Variants in GABRR1 observed in about 807,000 individuals in gnomAD.
The protein encoded by GABRR1 is gamma-aminobutyric acid type A receptor subunit rho1, also known as gamma-aminobutyric acid receptor subunit rho-1.
A neutral mutation model predicts 55.5 loss-of-function variants in GABRR1; 59 were observed. The ratio of observed to expected loss-of-function variants is 1.06; its 90% CI spans 0.86 to 1.32. GABRR1 has a LOEUF of 1.32. Among genes scored for constraint, GABRR1 ranks in the 40% most tolerant of loss-of-function variants. The pLI is 0.00. For missense variants in GABRR1, 602 were observed against 619.1 expected, an observed-to-expected ratio of 0.97 and a Z score of 0.29; for synonymous variants, 213 against 226.0, an observed-to-expected ratio of 0.94 and a Z score of 0.51.
In GABRR1 at chr6:89,178,937, C is replaced by T. The variant is rs772321848; in HGVS notation, c.1273G>A (p.Val425Met). 1.5e-5 allele frequency: 24 copies of T among 1,614,070 alleles called. No homozygotes were observed. In the East Asian group the frequency reaches 3.8e-4, roughly 25 times the overall value. The change falls in exon 10 of 10, where the codon GTG becomes ATG. Residue 425 changes from valine (V) to methionine (M), a missense_variant. Physicochemically the swap from Val to Met is conservative, Grantham distance 21. This residue lies in a region of GABRR1 where 139 missense variants were observed against 141.1 expected (regional missense o/e 0.99). Coordinates refer to ENST00000454853, the MANE Select transcript of GABRR1 (RefSeq NM_002042.5). ...ENGEKPDRMM[V>M]QLTLASERSS... ...CTCTCTGAGGCCAGGGTCAGCTGCA[C>T]CATCATCCTGTCGGGCTTCTCTCCA... is the stretch of plus-strand genomic sequence containing the variant.
intron 1 of GABRR1, among the ~76,000 whole-genome samples, chr6:89,209,599 A>C (rs1772759243): frequency 6.6e-6 from 1 of 152,108 alleles, no homozygotes; most frequent in South Asian, 2.1e-4. Flanking sequence ...TGGGGAGTGG[A>C]GCAGAGACCA....
At chr6:89,200,259 TTTTTTTG>T (rs1772423943) in intron 3 of GABRR1, among the ~76,000 whole-genome samples, 1 of 144,366 alleles carries the variant, frequency 6.9e-6, no homozygotes, top group Non-Finnish European at 1.5e-5. Flanking sequence ...TTTTTTTTTT[TTTTTTTG>T]GAGACAGAGT....
At chr6:89,179,116 G>A (rs1771637598) in intron 9 of GABRR1, 53 bp from the exon 10 acceptor site, 1 of 1,563,218 alleles carries the variant, frequency 6.4e-7, no homozygotes, top group African/African-American at 1.3e-5. Flanking sequence ...TCTCTCAGAA[G>A]CCCTTCAAAA....
chr6:89,201,141 A>G lies in GABRR1; in HGVS notation c.280+18T>C, dbSNP rs776924556. ...GGACCAGAAGAAAGAGGACACCCTG[A>G]GAGCACACATCCCATACCTCCAAAG... On this transcript the variant is annotated intron_variant, in intron 3 of 9. Coordinates refer to ENST00000454853, the MANE Select transcript of GABRR1 (RefSeq NM_002042.5). 4.8e-5 allele frequency: 75 copies of G among 1,573,612 alleles called. No individual in the cohort carries two copies. The Admixed American group carries it at 1.2e-3, about 25-fold the overall frequency.
intron 6 of GABRR1, 65 bp downstream of exon 6, chr6:89,190,100 G>T: frequency 8.9e-7 from 1 of 1,117,502 alleles, no homozygotes; most frequent in South Asian, 1.4e-5. Flanking sequence ...TCCTGCAGCT[G>T]AGAGTTAGAG....
chr6:89,182,262 G>A (rs922448717), intron 7 of GABRR1, among the ~76,000 whole-genome samples: 7 of 152,100 alleles, frequency 4.6e-5, no homozygotes, highest in Admixed American at 6.5e-5. Context: ...ACCTTTGGCC[G>A]TTGTCCTATT....
chr6:89,199,614 T>C (rs1334587092), intron 3 of GABRR1, among the ~76,000 whole-genome samples, 185 bp from the exon 4 acceptor site: 2 of 152,210 alleles, frequency 1.3e-5, no homozygotes, highest in Non-Finnish European at 2.9e-5. Context: ...TTCTGAAATA[T>C]TCCAACAGAA....
chr6:89,204,242 C>T lies in GABRR1; in HGVS notation c.123-757G>A, dbSNP rs114390453. 2.1e-3 allele frequency among the ~76,000 whole-genome samples: 326 copies of T among 152,244 alleles called. 1 individual carries two copies. Among genetic ancestry groups the T allele is most frequent in the African/African-American group, 7.6e-3 (316 of 41,528 alleles). On this transcript the variant is annotated intron_variant, in intron 1 of 9. Coordinates refer to ENST00000454853, the MANE Select transcript of GABRR1 (RefSeq NM_002042.5). ...GGCAATGCTGTTTTCTGCCAGGACT[C>T]GACTGATGCACAGGGACACATCAGA...
chr6:89,217,387 T>G, upstream of GABRR1: 1 of 1,557,224 alleles, frequency 6.4e-7, no homozygotes, highest in Non-Finnish European at 8.7e-7. Context: ...TCTTTTTCTC[T>G]CTTAAGACAT....
chr6:89,197,911 G>C, intron 5 of GABRR1, 109 bp downstream of exon 5: 1 of 800,864 alleles, frequency 1.2e-6, no homozygotes, highest in South Asian at 1.6e-5. Flanking sequence ...TGAGAAGCTG[G>C]CAACTACTGA....
At chr6:89,228,796 C>G (rs1001346417) in intron 1 of GABRR1, among the ~76,000 whole-genome samples, 2 of 151,946 alleles carry the variant, frequency 1.3e-5, no homozygotes, top group Non-Finnish European at 2.9e-5. Context: ...TAGTGCAGAG[C>G]TGAGTTCAAT....
At chr6:89,224,101 G>A (rs58715559) in intron 1 of GABRR1, among the ~76,000 whole-genome samples, 1 of 146,032 alleles carries the variant, frequency 6.8e-6, no homozygotes, top group African/African-American at 2.5e-5. Context: ...GTTTTGTTTT[G>A]TTTTTTGAGA....
rs1771595614 is a variant in GABRR1, at chr6:89,178,003, T to C, written c.*767A>G. The C allele has an allele frequency of 6.6e-6, 1 of 152,084 alleles. No individual in the cohort carries two copies. Among genetic ancestry groups the C allele is most frequent in the Non-Finnish European group, 1.5e-5 (1 of 68,002 alleles). The allele number at this position is 152,084 out of a possible 1,614,324, so 9.4% of individuals were successfully genotyped here. The stretch of plus-strand genomic sequence containing the variant: ...GGACATGCTCCAAGAAGAAGAAACA[T>C]GAAGTGGTGATTATATAAAATAGGG... On this transcript the variant is annotated 3_prime_UTR_variant, in exon 10 of 10. Transcript: ENST00000454853.
chr6:89,221,772 AC>A (rs1349082562), upstream of GABRR1, among the ~76,000 whole-genome samples: 1 of 152,170 alleles, frequency 6.6e-6, no homozygotes, highest in Non-Finnish European at 1.5e-5. Flanking sequence ...GGGATAAGGG[AC>A]AAATAAAAAG....
At chr6:89,193,812 G>C (rs1401260661) in intron 5 of GABRR1, among the ~76,000 whole-genome samples, 1 of 152,102 alleles carries the variant, frequency 6.6e-6, no homozygotes, top group Non-Finnish European at 1.5e-5. Context: ...ACAACCCAGA[G>C]CTCATGGATG....
Position 89,181,970 on chromosome 6 carries a change from A to G in GABRR1, c.884T>C (p.Met295Thr). 6.2e-7 allele frequency: 1 copy of G among 1,614,222 alleles called. No homozygotes were observed. Among genetic ancestry groups the G allele is most frequent in the African/African-American group, 1.3e-5 (1 of 75,066 alleles). Residue 295 changes from methionine (M) to threonine (T), a missense_variant, in exon 8 of 10, where the codon ATG becomes ACG. Transcript: ENST00000454853. ...GAAGGACACCCAGGACAGCATGACC[A>G]TCAGGGTAGCGGGGAAATAAGTTTG... ...LLQTYFPATL[M>T]VMLSWVSFWI...
chr6:89,188,608 T>TTTG (rs35244595), intron 6 of GABRR1, among the ~76,000 whole-genome samples: 49,531 of 151,626 alleles, frequency 0.33, 8,418 homozygotes, highest in African/African-American at 0.4. Context: ...AGCAGATTGT[T>TTTG]TTGTTGTTGT....
chr6:89,215,708 G>A (rs1302422661), intron 1 of GABRR1, among the ~76,000 whole-genome samples: 1 of 152,114 alleles, frequency 6.6e-6, no homozygotes, highest in Non-Finnish European at 1.5e-5. Flanking sequence ...AATATTTGTG[G>A]TAATGGATAC....
intron 1 of GABRR1, among the ~76,000 whole-genome samples, chr6:89,213,674 T>C (rs1024163125): frequency 6.6e-6 from 1 of 152,246 alleles, no homozygotes; most frequent in Non-Finnish European, 1.5e-5. Context: ...GCCAATCAAA[T>C]GATAATTCTA....
Sources: gnomAD v4.1 joint callset for allele counts (sites outside exome capture counted in the v4.1 genomes callset) on GRCh38, gnomAD v4.1.1 for gene constraint, gnomAD v4.1.1 regional missense constraint, MANE v1.5 for transcripts, NCBI Gene and HGNC (gene_info 2026-07-23, HGNC 2026-07-21) for gene names.